The following CAMK4 variants were observed in gnomAD, a reference collection of about 807,000 sequenced individuals.
The protein encoded by CAMK4 is calcium/calmodulin-dependent protein kinase type IV.
In CAMK4, 22 loss-of-function variants were observed where a neutral mutation model predicts 44.9. That is an observed-to-expected ratio of 0.49 (90% CI 0.35 to 0.70). The LOEUF (loss-of-function observed/expected upper bound fraction) is 0.70. Among genes scored for constraint, CAMK4 ranks in the 30% least tolerant of loss-of-function variants. The pLI is 0.01. For missense variants in CAMK4, 498 were observed against 586.8 expected, an observed-to-expected ratio of 0.85 and a Z score of 1.56; for synonymous variants, 218 against 215.4, an observed-to-expected ratio of 1.01 and a Z score of -0.11.
At chr5:111,225,903 CAA>C (rs1327091639) in intron 1 of CAMK4, among the ~76,000 whole-genome samples, 24 of 152,144 alleles carry the variant, frequency 1.6e-4, no homozygotes, top group African/African-American at 5.3e-4. Flanking sequence ...CATTTTTGAT[CAA>C]GTTTTTCAGT....
intron 4 of CAMK4, among the ~76,000 whole-genome samples, 170 bp from the exon 5 acceptor site, chr5:111,394,540 C>T (rs557093873): frequency 3.9e-5 from 6 of 152,240 alleles, no homozygotes; most frequent in Admixed American, 1.3e-4. Flanking sequence ...CCTAAGTAAA[C>T]TCAAAGATTT....
At chr5:111,407,687 A>G (rs929177519) in intron 5 of CAMK4, among the ~76,000 whole-genome samples, 3 of 152,336 alleles carry the variant, frequency 2.0e-5, no homozygotes, top group African/African-American at 4.8e-5. Flanking sequence ...ATGATATTCA[A>G]TGCTCTGAAA....
At chr5:111,442,773 AT>A (rs978004627) in intron 5 of CAMK4, among the ~76,000 whole-genome samples, 1 of 148,354 alleles carries the variant, frequency 6.7e-6, no homozygotes, top group Non-Finnish European at 1.5e-5. Context: ...AAATATAAAT[AT>A]TATATATCTT....
chr5:111,374,249 A>G (rs983203924), intron 2 of CAMK4, among the ~76,000 whole-genome samples: 2 of 152,160 alleles, frequency 1.3e-5, no homozygotes, highest in African/African-American at 4.8e-5. Flanking sequence ...TATGCTATCA[A>G]AACTGTTCAC....
chr5:111,490,713 C>G lies in CAMK4; in HGVS notation c.*6247C>G. On this transcript the variant is annotated 3_prime_UTR_variant, in exon 11 of 11. Coordinates refer to ENST00000282356, the MANE Select transcript of CAMK4 (RefSeq NM_001744.6). ...AGTTAATATGCAGCAGCGTAGAGAACAAATAGCATATTCATAATTTGTAAT... is the reference window on the plus strand; with the variant it reads ...AGTTAATATGCAGCAGCGTAGAGAAGAAATAGCATATTCATAATTTGTAAT... 6.6e-6 allele frequency: 1 copy of G among 152,166 alleles called. No individual in the cohort carries two copies. Among genetic ancestry groups the G allele is most frequent in the East Asian group, 1.9e-4 (1 of 5,206 alleles). The allele number at this position is 152,166 out of a possible 1,614,324, so 9.4% of individuals were successfully genotyped here.
chr5:111,468,352 A>G (rs1754920506), intron 7 of CAMK4, among the ~76,000 whole-genome samples: 1 of 152,222 alleles, frequency 6.6e-6, no homozygotes, highest in Non-Finnish European at 1.5e-5. Context: ...AAACTGTTTT[A>G]TACCTTAAAG....
chr5:111,295,293 A>G (rs1442980807), intron 1 of CAMK4, among the ~76,000 whole-genome samples: 2 of 152,170 alleles, frequency 1.3e-5, no homozygotes, highest in Non-Finnish European at 2.9e-5. Flanking sequence ...AAGCATGACT[A>G]TTGTCCATGT....
chr5:111,280,169 C>G (rs566307512), intron 1 of CAMK4, among the ~76,000 whole-genome samples: 2 of 151,752 alleles, frequency 1.3e-5, no homozygotes, highest in Non-Finnish European at 2.9e-5. Flanking sequence ...AAGAATATTC[C>G]CCAGGCATCA....
chr5:111,287,331 A>T (rs1333828235), intron 1 of CAMK4, among the ~76,000 whole-genome samples: 3 of 152,164 alleles, frequency 2.0e-5, no homozygotes, highest in Non-Finnish European at 4.4e-5. Flanking sequence ...GAAAGTTAAT[A>T]ATATGGGATC....
chr5:111,397,044 A>T (rs942557567), intron 5 of CAMK4, among the ~76,000 whole-genome samples: 3 of 152,180 alleles, frequency 2.0e-5, no homozygotes, highest in African/African-American at 7.2e-5. Context: ...TACTTTTCTT[A>T]AATACCCATT....
intron 2 of CAMK4, among the ~76,000 whole-genome samples, chr5:111,352,209 GT>G (rs1285996855): frequency 6.6e-6 from 1 of 152,016 alleles, no homozygotes; most frequent in African/African-American, 2.4e-5. Flanking sequence ...ATAAAAGTAT[GT>G]AGAAATCAAT....
chr5:111,236,050 G>C (rs1178088184), intron 1 of CAMK4, among the ~76,000 whole-genome samples: 1 of 152,192 alleles, frequency 6.6e-6, no homozygotes, highest in African/African-American at 2.4e-5. Context: ...ACCTCACTCA[G>C]CTTCATTTGT....
intron 1 of CAMK4, among the ~76,000 whole-genome samples, chr5:111,235,284 A>G (rs1748663489): frequency 6.6e-6 from 1 of 152,174 alleles, no homozygotes; most frequent in Non-Finnish European, 1.5e-5. Context: ...ATTCATTCAA[A>G]TAAGTCATTT....
Position 111,488,762 on chromosome 5 carries a change from A to G in CAMK4, c.*4296A>G, listed in dbSNP as rs773369018. 4 of 152,242 alleles carry G rather than the reference A, an allele frequency of 2.6e-5. No homozygotes were observed. Among genetic ancestry groups the G allele is most frequent in the Non-Finnish European group, 5.9e-5 (4 of 68,028 alleles). The allele number at this position is 152,242 out of a possible 1,614,324, so 9.4% of individuals were successfully genotyped here. A position where few individuals can be genotyped will look rare whatever the true frequency, so the allele number is the denominator to read the frequency against. Reference sequence around the variant, plus strand: ...TTTTTAAAAAAAGGTCAACAAAGTGAATCAGCACTAGCATTTTCTTGATGG... The same window carrying G: ...TTTTTAAAAAAAGGTCAACAAAGTGGATCAGCACTAGCATTTTCTTGATGG... On this transcript the variant is annotated 3_prime_UTR_variant, in exon 11 of 11. Coordinates refer to ENST00000282356, the MANE Select transcript of CAMK4 (RefSeq NM_001744.6).
chr5:111,312,061 A>G (rs2112672591), intron 1 of CAMK4, among the ~76,000 whole-genome samples: 1 of 152,284 alleles, frequency 6.6e-6, no homozygotes. Context: ...AGGAAAGCAA[A>G]TTCTTGATTT....
intron 2 of CAMK4, among the ~76,000 whole-genome samples, chr5:111,360,853 G>T (rs182635600): frequency 1.4e-3 from 214 of 152,088 alleles, no homozygotes; most frequent in African/African-American, 5.0e-3. Context: ...TATTGCTATG[G>T]GGCAACACTG....
intron 5 of CAMK4, among the ~76,000 whole-genome samples, chr5:111,410,362 C>A (rs1209575956): frequency 6.6e-6 from 1 of 152,132 alleles, no homozygotes; most frequent in Non-Finnish European, 1.5e-5. Context: ...TTCGCTACCA[C>A]GAGAACAGTA....
At chr5:111,356,828 A>T (rs1053349340) in intron 2 of CAMK4, among the ~76,000 whole-genome samples, 2 of 152,040 alleles carry the variant, frequency 1.3e-5, no homozygotes, top group Non-Finnish European at 2.9e-5. Flanking sequence ...ATGCGGCGTT[A>T]TTTCTGAGGC....
At chr5:111,295,120 G>A (rs1370359973) in intron 1 of CAMK4, among the ~76,000 whole-genome samples, 3 of 152,056 alleles carry the variant, frequency 2.0e-5, no homozygotes, top group Non-Finnish European at 2.9e-5. Context: ...CAGTTGTTCT[G>A]GCTTCAAATT....
Sources: gnomAD v4.1 joint callset for allele counts (sites outside exome capture counted in the v4.1 genomes callset) on GRCh38, gnomAD v4.1.1 for gene constraint, MANE v1.5 for transcripts, NCBI Gene and HGNC (gene_info 2026-07-23, HGNC 2026-07-21) for gene names.